The following ENTPD1 variants were observed in gnomAD, a reference collection of about 807,000 sequenced individuals.
ENTPD1 encodes ATP diphosphohydrolase.
ENTPD1 carries 33 observed loss-of-function variants against 57.0 expected under a neutral mutation model. The ratio of observed to expected loss-of-function variants is 0.58; its 90% CI spans 0.44 to 0.77. ENTPD1 has a LOEUF of 0.77. Among genes scored for constraint, ENTPD1 ranks in the 30% least tolerant of loss-of-function variants. The pLI, the probability that ENTPD1 is intolerant of heterozygous loss-of-function variation, is 0.00. For synonymous variants in ENTPD1, 202 were observed against 218.8 expected (o/e 0.92, Z 0.68); for missense variants, 501 against 603.4 (o/e 0.83, Z 1.78).
At chr10:95,712,091 C>A in intron 1 of ENTPD1, 2 of 1,550,058 alleles carry the variant, frequency 1.3e-6, no homozygotes, top group Non-Finnish European at 1.8e-6. Context: ...TTTTCATCTC[C>A]AAAACCTTGA....
At position 95,874,148 on chromosome 10, in the gene ENTPD1, A is replaced by G. The variant is rs2098483380; in HGVS notation, c.*7765A>G. 6.6e-6 allele frequency among the ~76,000 whole-genome samples: 1 copy of G among 152,072 alleles called. No individual in the cohort carries two copies. Among genetic ancestry groups the G allele is most frequent in the Non-Finnish European group, 1.5e-5 (1 of 68,002 alleles). ...AAAGTCTTAACTCATTTCAGCATTA[A>G]CCCAAAAGTCCACAGTCCAAAGTCT... On this transcript the variant is annotated 3_prime_UTR_variant, in exon 10 of 10. Coordinates refer to ENST00000371205, the MANE Select transcript of ENTPD1 (RefSeq NM_001776.6).
At chr10:95,732,182 T>C (rs1477458499) in intron 1 of ENTPD1, among the ~76,000 whole-genome samples, 1 of 152,158 alleles carries the variant, frequency 6.6e-6, no homozygotes, top group Non-Finnish European at 1.5e-5. Flanking sequence ...CAATACTAAT[T>C]AGGCCAGCAA....
the ENTPD1 span, among the ~76,000 whole-genome samples, chr10:95,697,301 G>A: frequency 3.7e-4 from 57 of 152,142 alleles, no homozygotes; most frequent in Middle Eastern, 3.4e-3. Context: ...AAAGGTGGTG[G>A]TGGGGGTGGC....
At chr10:95,749,819 T>A (rs1268555035) in intron 1 of ENTPD1, among the ~76,000 whole-genome samples, 1 of 152,222 alleles carries the variant, frequency 6.6e-6, no homozygotes, top group Non-Finnish European at 1.5e-5. Flanking sequence ...GAGCCTTTTA[T>A]AAATTTTGAG....
chr10:95,768,271 A>G (rs955828602), intron 1 of ENTPD1, among the ~76,000 whole-genome samples: 2 of 152,206 alleles, frequency 1.3e-5, no homozygotes, highest in Non-Finnish European at 2.9e-5. Context: ...TTTGCCTGGG[A>G]TATGGTAAAC....
At chr10:95,830,835 C>T (rs143985218) in intron 2 of ENTPD1, among the ~76,000 whole-genome samples, 262 of 152,126 alleles carry the variant, frequency 1.7e-3, no homozygotes, top group African/African-American at 6.1e-3. Context: ...GGGACTGATA[C>T]GTTCTAAAAT....
At chr10:95,764,199 A>G (rs1026549404) in intron 1 of ENTPD1, among the ~76,000 whole-genome samples, 6 of 152,228 alleles carry the variant, frequency 3.9e-5, no homozygotes, top group Non-Finnish European at 7.4e-5. Flanking sequence ...GAAAACACCA[A>G]TCTACTTTCT....
At chr10:95,809,513 G>A (rs1350147020) in intron 1 of ENTPD1, among the ~76,000 whole-genome samples, 3 of 142,608 alleles carry the variant, frequency 2.1e-5, no homozygotes, top group Admixed American at 6.9e-5. Context: ...CCTCCCAGAC[G>A]GGGCAGATGC....
intron 7 of ENTPD1, among the ~76,000 whole-genome samples, chr10:95,854,241 T>C (rs2098450435): frequency 6.6e-6 from 1 of 152,254 alleles, no homozygotes; most frequent in Admixed American, 6.5e-5. Context: ...TAGTATTCTC[T>C]GATGGTAGTT....
intron 2 of ENTPD1, among the ~76,000 whole-genome samples, chr10:95,833,086 G>T (rs1325350593): frequency 6.6e-6 from 1 of 152,174 alleles, no homozygotes; most frequent in East Asian, 1.9e-4. Flanking sequence ...TTTTTATGGA[G>T]ACTTTGGAAA....
chr10:95,870,463 G>A lies in ENTPD1; in HGVS notation c.*4080G>A. On this transcript the variant is annotated 3_prime_UTR_variant, in exon 10 of 10. Transcript: ENST00000371205. ...ATGTCTAGCTATTTTTTTTTCTGTA[G>A]AGACAGGGTTTTCCTATGTTGTCCA... 1.3e-6 allele frequency: 1 copy of A among 760,136 alleles called. No individual in the cohort carries two copies. Among genetic ancestry groups the A allele is most frequent in the Non-Finnish European group, 1.6e-6 (1 of 624,954 alleles). The allele number at this position is 760,136 out of a possible 1,614,324, so 47.1% of individuals were successfully genotyped here.
chr10:95,763,979 T>C (rs1202706528), intron 1 of ENTPD1, among the ~76,000 whole-genome samples: 1 of 152,248 alleles, frequency 6.6e-6, no homozygotes, highest in African/African-American at 2.4e-5. Context: ...TCCATAGTTG[T>C]TGATCTTATT....
chr10:95,801,136 C>A (rs1407596522), intron 1 of ENTPD1, among the ~76,000 whole-genome samples: 1 of 152,200 alleles, frequency 6.6e-6, no homozygotes, highest in Non-Finnish European at 1.5e-5. Flanking sequence ...TGCCTTGGCT[C>A]CAGCTGGTCC....
At chr10:95,762,658 T>C (rs4322324) in intron 1 of ENTPD1, among the ~76,000 whole-genome samples, 81,918 of 151,948 alleles carry the variant, frequency 0.54, 22,510 homozygotes, top group Admixed American at 0.63. Context: ...TAAATGTCTT[T>C]GTGCAGGAAG....
Position 95,870,286 on chromosome 10 carries a change from A to G in ENTPD1, c.*3903A>G. Reference sequence around the variant, plus strand: ...AAAATGTAAATTTGAATATTAAAATAAAGATGATTTTTTTTTTGGAGCTAG... The same window carrying G: ...AAAATGTAAATTTGAATATTAAAATGAAGATGATTTTTTTTTTGGAGCTAG... On this transcript the variant is annotated 3_prime_UTR_variant, in exon 10 of 10. Coordinates refer to ENST00000371205, the MANE Select transcript of ENTPD1 (RefSeq NM_001776.6). 1 of 984,372 alleles carries G rather than the reference A, an allele frequency of 1.0e-6. No individual in the cohort carries two copies. The highest frequency in any genetic ancestry group is 1.2e-6 in the Non-Finnish European group (1 of 828,998). 61.0% of individuals were successfully genotyped at this position (984,372 alleles called of 1,614,324 possible).
upstream of ENTPD1, among the ~76,000 whole-genome samples, chr10:95,710,578 A>G (rs1443877961): frequency 1.3e-5 from 2 of 152,256 alleles, no homozygotes; most frequent in Non-Finnish European, 2.9e-5. Context: ...AGAGATTAAT[A>G]AACAATGAAT....
intron 1 of ENTPD1, among the ~76,000 whole-genome samples, chr10:95,719,125 G>GC (rs1204662899): frequency 7.2e-5 from 11 of 152,280 alleles, no homozygotes; most frequent in African/African-American, 2.6e-4. Flanking sequence ...GACTGCTACT[G>GC]CCACCACTAC....
intron 2 of ENTPD1, among the ~76,000 whole-genome samples, chr10:95,835,591 G>A (rs980951570): frequency 6.6e-6 from 1 of 152,112 alleles, no homozygotes; most frequent in African/African-American, 2.4e-5. Flanking sequence ...GCACAATCTT[G>A]CCAGCATCTG....
At chr10:95,747,241 C>A (rs2098007007) in intron 1 of ENTPD1, among the ~76,000 whole-genome samples, 1 of 152,182 alleles carries the variant, frequency 6.6e-6, no homozygotes, top group South Asian at 2.1e-4. Context: ...TGATTCAAAT[C>A]AAAATGTTCA....
Sources: allele counts gnomAD v4.1 joint callset (sites outside exome capture counted in the v4.1 genomes callset), GRCh38; gene constraint gnomAD v4.1.1; transcripts MANE v1.5; gene names NCBI Gene and HGNC (gene_info 2026-07-23, HGNC 2026-07-21).